ASB5: variants seen among roughly 807,000 people sequenced by gnomAD.
The protein encoded by ASB5 is ankyrin repeat and SOCS box protein 5.
In ASB5, 45 loss-of-function variants were observed where a neutral mutation model predicts 42.1. That is an observed-to-expected ratio of 1.07 (90% CI 0.84 to 1.37). ASB5 has a LOEUF of 1.37. ASB5 is among the 40% of genes most tolerant of loss of function. ASB5 has a pLI of 0.00. For synonymous variants in ASB5, 147 were observed against 150.6 expected, an observed-to-expected ratio of 0.98 and a Z score of 0.18; for missense variants, 402 against 399.8, an observed-to-expected ratio of 1.01 and a Z score of -0.05.
intron 2 of ASB5, among the ~76,000 whole-genome samples, chr4:176,274,628 C>A (rs147480031): frequency 6.6e-6 from 1 of 152,130 alleles, no homozygotes; most frequent in Non-Finnish European, 1.5e-5. Flanking sequence ...TCTGAGGTAG[C>A]CACACCCTGT....
At chr4:176,215,894 T>C (rs553963613) in intron 6 of ASB5, among the ~76,000 whole-genome samples, 167 bp from the exon 7 acceptor site, 4 of 152,154 alleles carry the variant, frequency 2.6e-5, no homozygotes, top group Non-Finnish European at 5.9e-5. Flanking sequence ...TGCTTTTATT[T>C]ATAAGATCTT....
rs1273504990 is a variant in ASB5 at position 176,216,998 on chromosome 4, G to C, written c.682C>G (p.Gln228Glu). 6 of 1,606,092 alleles carry C rather than the reference G, an allele frequency of 3.7e-6. No homozygotes were observed. The highest frequency in any genetic ancestry group is 4.2e-6 in the Non-Finnish European group (5 of 1,176,962). The change falls in exon 6 of 7, where the codon CAG (glutamine) becomes GAG (glutamate). Residue 228 changes from glutamine (Q) to glutamate (E), a missense_variant. Physicochemically the swap from Gln to Glu is conservative, Grantham distance 29. Transcript: ENST00000296525. Reference protein sequence around the residue: ...WKLLYAGADVQKGKYWDTPLH... With the variant: ...WKLLYAGADVEKGKYWDTPLH... ...GGAGTATCCCAATATTTGCCTTTCT[G>C]TACGTCAGCACCTACATGTAATACG...
Position 176,221,259 on chromosome 4 carries a change from G to A in ASB5, c.566C>T (p.Ser189Phe), listed in dbSNP as rs1167022895. The A allele has an allele frequency of 6.2e-7, 1 of 1,613,996 alleles. No homozygotes were observed. Among genetic ancestry groups the A allele is most frequent in the African/African-American group, 1.3e-5 (1 of 74,902 alleles). ...TTCTTGGTCAACATCTATGCCCCAG[G>A]ATATCAGGATGTCAAGACATTCATG... Reference protein sequence around the residue: ...GHHECLDILISWGIDVDQEIP... With the variant: ...GHHECLDILIFWGIDVDQEIP... Residue 189 changes from serine (S) to phenylalanine (F), a missense_variant, in exon 5 of 7, where the codon TCC becomes TTC. Coordinates refer to ENST00000296525, the MANE Select transcript of ASB5 (RefSeq NM_080874.4).
chr4:176,241,708 CAT>C, intron 1 of ASB5: 1 of 1,264,094 alleles, frequency 7.9e-7, no homozygotes, highest in Non-Finnish European at 1.0e-6. Context: ...GTAAGCCTGA[CAT>C]AAGCATCTTG....
At chr4:176,244,672 G>C (rs1330118758) in intron 1 of ASB5, among the ~76,000 whole-genome samples, 1 of 152,108 alleles carries the variant, frequency 6.6e-6, no homozygotes, top group Non-Finnish European at 1.5e-5. Context: ...CACTTTTGAA[G>C]ACCGAGGAGG....
intron 1 of ASB5, among the ~76,000 whole-genome samples, chr4:176,231,301 G>T (rs1753536613): frequency 6.6e-6 from 1 of 151,658 alleles, no homozygotes; most frequent in Non-Finnish European, 1.5e-5. Context: ...ATTTTAAGGA[G>T]CTCCAAGCTC....
At position 176,222,343 on chromosome 4, in the gene ASB5, A is replaced by G; in HGVS notation, c.354T>C (p.Cys118=). The change falls in exon 3 of 7, where the codon TGT becomes TGC. Residue 118 remains cysteine, a synonymous_variant. Coordinates refer to ENST00000296525, the MANE Select transcript of ASB5 (RefSeq NM_080874.4). The part of the protein sequence containing the change: ...HEACLGDHVA[C]ARTLLEAGAN... ...CTCCTGCTTCCAGCAGAGTTCTGGC[A>G]CATGCCACGTGATCTCCAAGGCAGG... 1 of 1,614,000 alleles carries G rather than the reference A, an allele frequency of 6.2e-7. No homozygotes were observed. Among genetic ancestry groups the G allele is most frequent in the East Asian group, 2.2e-5 (1 of 44,886 alleles).
intron 1 of ASB5, among the ~76,000 whole-genome samples, chr4:176,237,830 G>A (rs1327576264): frequency 1.3e-5 from 2 of 152,232 alleles, no homozygotes; most frequent in Admixed American, 1.3e-4. Context: ...AAAATTGCCT[G>A]TTGATAATGA....
intron 5 of ASB5, among the ~76,000 whole-genome samples, chr4:176,217,837 A>T (rs959885598): frequency 1.3e-5 from 2 of 152,050 alleles, no homozygotes; most frequent in Admixed American, 6.6e-5. Context: ...ATAAAAATGC[A>T]TAAGTTCTTT....
At chr4:176,263,818 CT>C (rs1754308198) in intron 1 of ASB5, among the ~76,000 whole-genome samples, 1 of 152,148 alleles carries the variant, frequency 6.6e-6, no homozygotes, top group Admixed American at 6.6e-5. Flanking sequence ...GAGAATACTA[CT>C]GCTTCTATTG....
At chr4:176,236,649 TTAC>T (rs1343431966) in intron 1 of ASB5, among the ~76,000 whole-genome samples, 1 of 152,196 alleles carries the variant, frequency 6.6e-6, no homozygotes, top group East Asian at 1.9e-4. Context: ...GCTCCAGCTA[TTAC>T]ATAGTAAATA....
chr4:176,254,078 A>G (rs1391027329), intron 1 of ASB5, among the ~76,000 whole-genome samples: 1 of 152,224 alleles, frequency 6.6e-6, no homozygotes, highest in African/African-American at 2.4e-5. Context: ...AGATGGAACT[A>G]TGGAACCAAA....
At chr4:176,269,509 A>C (rs1754429444), upstream of ASB5, among the ~76,000 whole-genome samples, 1 of 152,234 alleles carries the variant, frequency 6.6e-6, no homozygotes. Flanking sequence ...CATATCGAGT[A>C]AAGTTGTCTA....
At position 176,219,648 on chromosome 4, in the gene ASB5, C is replaced by T. The variant is rs547815261; in HGVS notation, c.670+1507G>A. Among the ~76,000 whole-genome samples, 3 of 134,284 alleles carry T rather than the reference C, an allele frequency of 2.2e-5. No individual in the cohort carries two copies. In the East Asian group the frequency reaches 6.8e-4, roughly 31 times the overall value. 88.1% of individuals were successfully genotyped at this position (134,284 alleles called of 152,430 possible). A position where few individuals can be genotyped will look rare whatever the true frequency, so the allele number is the denominator to read the frequency against. On this transcript the variant is annotated intron_variant, in intron 5 of 6. Coordinates refer to ENST00000296525, the MANE Select transcript of ASB5 (RefSeq NM_080874.4). ...GGAGTACAGTGGCACGATCTCGGCT[C>T]ACTGTTACCTCCACCTCCCGGGTTC...
chr4:176,268,794 C>T, intron 1 of ASB5, 119 bp downstream of exon 1: 1 of 854,720 alleles, frequency 1.2e-6, no homozygotes, highest in Non-Finnish European at 1.7e-6. Context: ...ACAAGTATTT[C>T]CCTTAACAAA....
intron 2 of ASB5, among the ~76,000 whole-genome samples, chr4:176,223,338 T>G: frequency 6.6e-6 from 1 of 152,206 alleles, no homozygotes. Flanking sequence ...AGATCATGCA[T>G]GTAAAGCAAT....
intron 1 of ASB5, among the ~76,000 whole-genome samples, chr4:176,260,124 T>C (rs567676848): frequency 6.6e-5 from 10 of 152,346 alleles, no homozygotes; most frequent in African/African-American, 2.4e-4. Flanking sequence ...AAATATTATT[T>C]TATCCCTTTC....
At chr4:176,225,783 T>C (rs1029788803) in intron 1 of ASB5, among the ~76,000 whole-genome samples, 3 of 151,982 alleles carry the variant, frequency 2.0e-5, no homozygotes, top group Non-Finnish European at 2.9e-5. Flanking sequence ...AGAGACAGGG[T>C]TTCACCATGT....
intron 1 of ASB5, among the ~76,000 whole-genome samples, chr4:176,265,336 G>A (rs1400775990): frequency 3.3e-5 from 5 of 152,164 alleles, no homozygotes; most frequent in Non-Finnish European, 7.4e-5. Flanking sequence ...ATCTCTGAAA[G>A]TACAGATTAG....
Sources: allele counts gnomAD v4.1 joint callset (sites outside exome capture counted in the v4.1 genomes callset), GRCh38; gene constraint gnomAD v4.1.1; transcripts MANE v1.5; gene names NCBI Gene and HGNC (gene_info 2026-07-23, HGNC 2026-07-21).